TIMP3: variants seen among roughly 807,000 people sequenced by gnomAD.
The protein encoded by TIMP3 is TIMP metallopeptidase inhibitor 3.
TIMP3 carries 11 observed loss-of-function variants against 30.0 expected under a neutral mutation model. The observed-to-expected ratio is 0.37, with a 90% confidence interval of 0.23 to 0.61. The LOEUF (loss-of-function observed/expected upper bound fraction) is 0.61. Ranked by LOEUF, TIMP3 falls within the 20% of genes least tolerant of loss-of-function variation. The pLI is 0.70. For missense variants in TIMP3, 181 were observed against 276.8 expected (o/e 0.65, Z 2.45); for synonymous variants, 112 against 111.3 (o/e 1.01, Z -0.04).
At chr22:32,817,198 A>AT (rs2047109554) in intron 1 of TIMP3, among the ~76,000 whole-genome samples, 1 of 151,592 alleles carries the variant, frequency 6.6e-6, no homozygotes. Flanking sequence ...AGCCAGGGTG[A>AT]CAGAGCAAGA....
chr22:32,818,676 T>C (rs1384158097), intron 1 of TIMP3, among the ~76,000 whole-genome samples: 2 of 152,202 alleles, frequency 1.3e-5, no homozygotes, highest in Non-Finnish European at 2.9e-5. Context: ...GCCTCCTGCT[T>C]GGCCTCCAGC....
At chr22:32,805,646 C>A (rs555531113) in intron 1 of TIMP3, among the ~76,000 whole-genome samples, 1 of 149,852 alleles carries the variant, frequency 6.7e-6, no homozygotes, top group Non-Finnish European at 1.5e-5. Context: ...CCCACAGCAA[C>A]CTTAAGAGTA....
intron 1 of TIMP3, among the ~76,000 whole-genome samples, chr22:32,841,975 T>C (rs1190235057): frequency 1.3e-5 from 2 of 152,168 alleles, no homozygotes; most frequent in African/African-American, 4.8e-5. Context: ...ACCACGAGCC[T>C]GCACCTCGAT....
intron 2 of TIMP3, among the ~76,000 whole-genome samples, chr22:32,855,381 T>C (rs2048336161): frequency 6.6e-6 from 1 of 152,196 alleles, no homozygotes; most frequent in Non-Finnish European, 1.5e-5. Flanking sequence ...GGAAATAGCA[T>C]TTGCCTGCTT....
intron 1 of TIMP3, among the ~76,000 whole-genome samples, chr22:32,819,024 G>A (rs938964811): frequency 1.3e-5 from 2 of 152,242 alleles, no homozygotes; most frequent in Non-Finnish European, 2.9e-5. Context: ...GCTGGCCTCT[G>A]CGCTTAAGTA....
intron 1 of TIMP3, among the ~76,000 whole-genome samples, chr22:32,828,536 C>T (rs1350990274): frequency 6.6e-6 from 1 of 152,182 alleles, no homozygotes; most frequent in East Asian, 1.9e-4. Flanking sequence ...GCCTTCTAGG[C>T]CACAGGCAGG....
At chr22:32,831,621 G>A (rs576783642) in intron 1 of TIMP3, among the ~76,000 whole-genome samples, 4 of 152,188 alleles carry the variant, frequency 2.6e-5, no homozygotes, top group South Asian at 2.1e-4. Flanking sequence ...TTATCTTCTC[G>A]GCATTCTTTA....
At chr22:32,844,189 T>A (rs1351262080) in intron 1 of TIMP3, among the ~76,000 whole-genome samples, 1 of 152,014 alleles carries the variant, frequency 6.6e-6, no homozygotes, top group Non-Finnish European at 1.5e-5. Flanking sequence ...CTGGATTTGG[T>A]TGACAATGGT....
intron 1 of TIMP3, among the ~76,000 whole-genome samples, chr22:32,807,385 AT>A (rs1318936862): frequency 1.9e-5 from 2 of 104,978 alleles, no homozygotes; most frequent in Non-Finnish European, 3.7e-5. Flanking sequence ...TATAATATAT[AT>A]TATATATAAT....
intron 1 of TIMP3, among the ~76,000 whole-genome samples, chr22:32,847,747 TTGAG>T (rs1197097375): frequency 6.6e-6 from 1 of 152,240 alleles, no homozygotes; most frequent in Non-Finnish European, 1.5e-5. Context: ...CAAGCATTTA[TTGAG>T]TATCTACTCC....
At chr22:32,827,270 C>A (rs1036154324) in intron 1 of TIMP3, among the ~76,000 whole-genome samples, 4 of 152,200 alleles carry the variant, frequency 2.6e-5, no homozygotes, top group African/African-American at 9.7e-5. Flanking sequence ...GCAGCAAAAA[C>A]AGAGCCAGGC....
chr22:32,801,728 G>C lies in TIMP3; in HGVS notation c.-274G>C, dbSNP rs1001328821. 202 of 208,956 alleles carry C rather than the reference G, an allele frequency of 9.7e-4. 1 individual carries two copies. The highest frequency in any genetic ancestry group is 1.4e-3 in the Non-Finnish European group (148 of 108,004). The allele number at this position is 208,956 out of a possible 1,614,324, so 12.9% of individuals were successfully genotyped here. On this transcript the variant is annotated 5_prime_UTR_variant, in exon 1 of 5. Coordinates refer to ENST00000266085, the MANE Select transcript of TIMP3 (RefSeq NM_000362.5). The surrounding 1 kb of genome is among the most constrained non-coding windows in gnomAD (Gnocchi z 4.7). ...GCAGAGCGGGCAGCAGGCAGGCGGC[G>C]GGCGCTCAGACGGCTTCTCCTCCTC...
chr22:32,833,898 A>G, intron 1 of TIMP3: 1 of 498,858 alleles, frequency 2.0e-6, no homozygotes. Flanking sequence ...GTAACTAATA[A>G]TAGTATTAGA....
chr22:32,801,969 G>A lies in TIMP3; in HGVS notation c.-33G>A. 1 of 1,577,298 alleles carries A rather than the reference G, an allele frequency of 6.3e-7. No individual in the cohort carries two copies. Among genetic ancestry groups the A allele is most frequent in the Non-Finnish European group, 8.6e-7 (1 of 1,169,492 alleles). ...GCGCACGGCAACTTTGGAGAGGCGA[G>A]CAGCAGCCCCGGCAGCGGCGGCAGC... On this transcript the variant is annotated 5_prime_UTR_variant, in exon 1 of 5. Transcript: ENST00000266085. This position sits in a 1 kb window ranked among gnomAD's most constrained non-coding sequence, Gnocchi z 4.7.
rs73885111 is a variant in TIMP3, at chr22:32,819,704, G to A, written c.121+17582G>A. 3.0e-3 allele frequency among the ~76,000 whole-genome samples: 453 copies of A among 152,240 alleles called. 1 individual carries two copies. Among genetic ancestry groups the A allele is most frequent in the African/African-American group, 0.011 (445 of 41,540 alleles). On this transcript the variant is annotated intron_variant, in intron 1 of 4. Transcript: ENST00000266085. The stretch of plus-strand genomic sequence containing the variant: ...CTGGAGTAAGCACACTCTAGGGGCC[G>A]CGTCTCCCAGCATATCTTTTGTTTT...
chr22:32,806,810 A>G (rs2046753709), intron 1 of TIMP3, among the ~76,000 whole-genome samples: 1 of 152,084 alleles, frequency 6.6e-6, no homozygotes, highest in South Asian at 2.1e-4. Context: ...CTCTCTATCT[A>G]AAATCGGAGA....
chr22:32,837,977 G>A lies in TIMP3; in HGVS notation c.122-11475G>A, dbSNP rs1407903804. On this transcript the variant is annotated intron_variant, in intron 1 of 4. Transcript: ENST00000266085. This position sits in a 1 kb window ranked among gnomAD's most constrained non-coding sequence, Gnocchi z 4.1. ...TCTCTTTCTCTTAACTGTCTCTAGT[G>A]ATTCTCTGATCCCAGCTCAGGCAGG... 1.3e-5 allele frequency among the ~76,000 whole-genome samples: 2 copies of A among 152,188 alleles called. No homozygotes were observed. The highest frequency in any genetic ancestry group is 2.9e-5 in the Non-Finnish European group (2 of 68,026).
At chr22:32,836,525 G>T (rs1211945359) in intron 1 of TIMP3, among the ~76,000 whole-genome samples, 1 of 152,184 alleles carries the variant, frequency 6.6e-6, no homozygotes, top group African/African-American at 2.4e-5. Flanking sequence ...TCCTTAAAAG[G>T]ATTTGGATCT....
At chr22:32,833,713 G>A (rs370319982) in intron 1 of TIMP3, 43 of 474,358 alleles carry the variant, frequency 9.1e-5, no homozygotes, top group Admixed American at 4.7e-4. Flanking sequence ...CACCACTTCC[G>A]CATTAGATGA....
Sources: gnomAD v4.1 joint callset for allele counts (sites outside exome capture counted in the v4.1 genomes callset) on GRCh38, gnomAD v4.1.1 for gene constraint, Gnocchi (gnomAD v3.1) non-coding constraint, MANE v1.5 for transcripts, NCBI Gene and HGNC (gene_info 2026-07-23, HGNC 2026-07-21) for gene names.